The following KLHL1 variants were observed in gnomAD, a reference collection of about 807,000 sequenced individuals.
KLHL1 encodes the protein kelch like family member 1, also known as kelch-like protein 1.
KLHL1 carries 47 observed loss-of-function variants against 77.7 expected under a neutral mutation model. The observed-to-expected ratio is 0.60, with a 90% confidence interval of 0.48 to 0.77. The LOEUF is 0.77. Ranked by LOEUF, KLHL1 falls within the 30% of genes least tolerant of loss-of-function variation. The probability of loss-of-function intolerance (pLI) is 0.00; values close to 1 mark genes in which losing one functional copy is unlikely to be tolerated. For synonymous variants in KLHL1, 360 were observed against 325.2 expected (o/e 1.11, Z -1.15); for missense variants, 925 against 910.8 (o/e 1.02, Z -0.20).
chr13:69,759,552 A>T (rs1165370415), intron 7 of KLHL1, among the ~76,000 whole-genome samples: 2 of 152,196 alleles, frequency 1.3e-5, no homozygotes, highest in Non-Finnish European at 2.9e-5. Flanking sequence ...ACATAACATA[A>T]AGACATATAG....
chr13:69,811,263 A>G (rs1227201775), intron 6 of KLHL1, among the ~76,000 whole-genome samples: 1 of 152,136 alleles, frequency 6.6e-6, no homozygotes, highest in East Asian at 1.9e-4. Flanking sequence ...CACCAGACCC[A>G]AAAGTTAATT....
intron 5 of KLHL1, among the ~76,000 whole-genome samples, chr13:69,861,408 T>C (rs1880153475): frequency 6.6e-6 from 1 of 152,132 alleles, no homozygotes; most frequent in Non-Finnish European, 1.5e-5. Context: ...GTTTTTAAAA[T>C]AGCATCAGTG....
At chr13:69,928,055 T>C (rs567638618) in intron 4 of KLHL1, among the ~76,000 whole-genome samples, 166 of 152,324 alleles carry the variant, frequency 1.1e-3, no homozygotes, top group African/African-American at 3.7e-3. Context: ...GAAAGTCACA[T>C]AGCACTACAT....
intron 1 of KLHL1, among the ~76,000 whole-genome samples, chr13:70,073,928 C>T (rs904208991): frequency 1.3e-5 from 2 of 151,892 alleles, no homozygotes; most frequent in East Asian, 1.9e-4. Flanking sequence ...TGGGTTCAAG[C>T]GATTCTCCTG....
chr13:69,975,892 C>T, intron 1 of KLHL1, 90 bp from the exon 2 acceptor site: 1 of 1,368,852 alleles, frequency 7.3e-7, no homozygotes, highest in Admixed American at 3.4e-5. Flanking sequence ...AGGTTTTTAT[C>T]ATTTTCTTAA....
chr13:69,831,748 C>T (rs936135263), intron 6 of KLHL1, among the ~76,000 whole-genome samples: 1 of 150,026 alleles, frequency 6.7e-6, no homozygotes, highest in South Asian at 2.1e-4. Context: ...AGATAGTCCA[C>T]GATGATCAAG....
chr13:69,840,695 T>A (rs56403924), intron 5 of KLHL1, among the ~76,000 whole-genome samples: 6,948 of 134,918 alleles, frequency 0.051, 223 homozygotes, highest in African/African-American at 0.11. Flanking sequence ...TATATATATA[T>A]ATATATGTAT....
chr13:69,958,036 ACCT>A (rs1166127624), intron 3 of KLHL1, among the ~76,000 whole-genome samples: 1 of 151,690 alleles, frequency 6.6e-6, no homozygotes, highest in Non-Finnish European at 1.5e-5. Flanking sequence ...TTTTTTCACA[ACCT>A]CATCATTATC....
rs75307646 is a variant in KLHL1 at position 69,794,860 on chromosome 13, A to C, written c.1639+1878T>G. On this transcript the variant is annotated intron_variant, in intron 7 of 10. Transcript: ENST00000377844. Reference sequence around the variant, plus strand: ...TGAATATTAAAGTTACCTCTCAGGAAAGGATAAAGACAAAAATATAAAATA... The same window carrying C: ...TGAATATTAAAGTTACCTCTCAGGACAGGATAAAGACAAAAATATAAAATA... Among the ~76,000 whole-genome samples the C allele has an allele frequency of 5.6e-3, 860 of 152,284 alleles. 4 individuals carry two copies. The highest frequency in any genetic ancestry group is 0.019 in the African/African-American group (793 of 41,564).
At chr13:70,002,131 T>C (rs1274423896) in intron 1 of KLHL1, among the ~76,000 whole-genome samples, 1 of 151,662 alleles carries the variant, frequency 6.6e-6, no homozygotes, top group Non-Finnish European at 1.5e-5. Flanking sequence ...ATACTCCTTA[T>C]GCATTACTCC....
At chr13:69,786,057 C>T (rs554046489) in intron 7 of KLHL1, among the ~76,000 whole-genome samples, 2 of 152,290 alleles carry the variant, frequency 1.3e-5, no homozygotes, top group South Asian at 4.1e-4. Context: ...GATGGATTCA[C>T]AGCCGAATTC....
rs1883600905 is a variant in KLHL1, at chr13:69,948,473, C to A, written c.818-8237G>T. ...AAACTGCTTATAAAATTGGAGTCACCCTCCTCTGATTCAAGTGGGGGACTA... is the reference window on the plus strand; with the variant it reads ...AAACTGCTTATAAAATTGGAGTCACACTCCTCTGATTCAAGTGGGGGACTA... On this transcript the variant is annotated intron_variant, in intron 3 of 10. Transcript: ENST00000377844. 2.6e-5 allele frequency among the ~76,000 whole-genome samples: 4 copies of A among 151,792 alleles called. No individual in the cohort carries two copies. The South Asian group carries it at 8.3e-4, about 31-fold the overall frequency.
chr13:70,014,969 GCAAAA>G (rs1427723020), intron 1 of KLHL1, among the ~76,000 whole-genome samples: 14 of 148,612 alleles, frequency 9.4e-5, no homozygotes, highest in Admixed American at 2.7e-4. Flanking sequence ...TAAAAATTAA[GCAAAA>G]CAAAACATTA....
At chr13:70,068,267 G>A (rs192352164) in intron 1 of KLHL1, among the ~76,000 whole-genome samples, 3,644 of 152,116 alleles carry the variant, frequency 0.024, 120 homozygotes, top group African/African-American at 0.082. Flanking sequence ...CGTGAACCCG[G>A]GAGGCGGAGC....
At chr13:69,878,573 T>C (rs1439646043) in intron 5 of KLHL1, among the ~76,000 whole-genome samples, 1 of 152,076 alleles carries the variant, frequency 6.6e-6, no homozygotes, top group Non-Finnish European at 1.5e-5. Context: ...AATATAACAT[T>C]GTGTTTTGCT....
At chr13:69,887,568 A>G (rs1211828720) in intron 4 of KLHL1, among the ~76,000 whole-genome samples, 2 of 152,192 alleles carry the variant, frequency 1.3e-5, no homozygotes, top group Non-Finnish European at 2.9e-5. Context: ...TCTTTTGCCA[A>G]GTGTTTTGCC....
intron 1 of KLHL1, among the ~76,000 whole-genome samples, chr13:70,056,489 A>G (rs1168590588): frequency 6.6e-6 from 1 of 152,062 alleles, no homozygotes; most frequent in African/African-American, 2.4e-5. Flanking sequence ...ACCAAATGGA[A>G]CTAATGTATT....
At chr13:69,975,015 G>A (rs1255621968) in intron 2 of KLHL1, among the ~76,000 whole-genome samples, 2 of 151,900 alleles carry the variant, frequency 1.3e-5, no homozygotes, top group Non-Finnish European at 2.9e-5. Context: ...TAAATTCAAC[G>A]TCCATATTGT....
intron 1 of KLHL1, among the ~76,000 whole-genome samples, chr13:70,085,629 C>T (rs1887517271): frequency 6.6e-6 from 1 of 152,078 alleles, no homozygotes; most frequent in Admixed American, 6.6e-5. Context: ...TTTGGGAGGC[C>T]GAGGCTGGAA....
Sources: gnomAD v4.1 joint callset for allele counts (sites outside exome capture counted in the v4.1 genomes callset) on GRCh38, gnomAD v4.1.1 for gene constraint, MANE v1.5 for transcripts, NCBI Gene and HGNC (gene_info 2026-07-23, HGNC 2026-07-21) for gene names.